POP4: variants seen among roughly 807,000 people sequenced by gnomAD.
POP4 encodes POP4 ribonuclease P/MRP subunit.
Under a neutral mutation model 29.9 loss-of-function variants are expected in POP4, and 31 were observed. That is an observed-to-expected ratio of 1.04 (90% confidence interval 0.78 to 1.40). POP4 has a LOEUF of 1.40. Ranked by LOEUF, POP4 falls within the 40% of genes most tolerant of loss-of-function variation. POP4 has a pLI of 0.00. For synonymous variants in POP4, 110 were observed against 108.2 expected (o/e 1.02, Z -0.10); for missense variants, 286 against 282.7 (o/e 1.01, Z -0.08).
chr19:29,613,491 G>A (rs1286957429), intron 5 of POP4, among the ~76,000 whole-genome samples: 1 of 152,182 alleles, frequency 6.6e-6, no homozygotes, highest in Non-Finnish European at 1.5e-5. Flanking sequence ...CCAGCATCCT[G>A]GGCAGTGCAT....
At chr19:29,615,175 A>G (rs945846578) in intron 6 of POP4, 69 bp from the exon 7 acceptor site, 2 of 1,434,462 alleles carry the variant, frequency 1.4e-6, no homozygotes, top group African/African-American at 2.9e-5. Context: ...TATTCTACCT[A>G]AAAGTAAAAT....
chr19:29,606,962 T>C (rs928341945), intron 1 of POP4, among the ~76,000 whole-genome samples: 5 of 152,172 alleles, frequency 3.3e-5, no homozygotes, highest in African/African-American at 1.2e-4. Flanking sequence ...TCAGTAATTG[T>C]TAGATGTGTA....
At chr19:29,608,087 C>T (rs1225177904) in intron 1 of POP4, among the ~76,000 whole-genome samples, 1 of 152,060 alleles carries the variant, frequency 6.6e-6, no homozygotes, top group African/African-American at 2.4e-5. Context: ...TTTTGAGAAG[C>T]ATTCTTTTTA....
At position 29,616,916 on chromosome 19, in the gene POP4, T is replaced by C. The variant is rs1281190230; in HGVS notation, c.*1536T>C. ...AGGAAGACAGACTTCGAGGGACCTC[T>C]TGCCTAAGGCCTCGCTGACTCAAGG... On this transcript the variant is annotated 3_prime_UTR_variant, in exon 7 of 7. Transcript: ENST00000585603. 1 of 149,536 alleles carries C rather than the reference T, an allele frequency of 6.7e-6. No individual in the cohort carries two copies. Among genetic ancestry groups the C allele is most frequent in the East Asian group, 1.9e-4 (1 of 5,172 alleles). The allele number at this position is 149,536 out of a possible 1,614,324, so 9.3% of individuals were successfully genotyped here. A position where few individuals can be genotyped will look rare whatever the true frequency, so the allele number is the denominator to read the frequency against.
At chr19:29,614,060 T>C in intron 6 of POP4, 88 bp downstream of exon 6, 1 of 1,523,402 alleles carries the variant, frequency 6.6e-7, no homozygotes, top group South Asian at 1.3e-5. Context: ...AAGAGTTTGA[T>C]TTGACCCCTC....
Position 29,616,067 on chromosome 19 carries a change from C to T in POP4, c.*687C>T, listed in dbSNP as rs529830311. 3 of 152,372 alleles carry T rather than the reference C, an allele frequency of 2.0e-5. No individual in the cohort carries two copies. In the South Asian group the frequency reaches 6.2e-4, roughly 32 times the overall value. 9.4% of individuals were successfully genotyped at this position (152,372 alleles called of 1,614,324 possible). A position where few individuals can be genotyped will look rare whatever the true frequency, so the allele number is the denominator to read the frequency against. Reference sequence around the variant, plus strand: ...CCCCAGCGTAGTGAGATGGGACCTGCCGCAGCATGCCCACTCCTGAGCTGC... The same window carrying T: ...CCCCAGCGTAGTGAGATGGGACCTGTCGCAGCATGCCCACTCCTGAGCTGC... On this transcript the variant is annotated 3_prime_UTR_variant, in exon 7 of 7. Transcript: ENST00000585603.
chr19:29,610,185 TGTGTGTGACAAACGGTCATGAATTG>T, intron 2 of POP4, 199 bp from the exon 3 acceptor site: 1 of 557,528 alleles, frequency 1.8e-6, no homozygotes, highest in Non-Finnish European at 3.2e-6. Context: ...GACACGCTGT[TGTGTGTGACAAACGGTCATGAATTG>T]GTGTGTGAGT....
chr19:29,611,760 A>G, intron 3 of POP4, 102 bp from the exon 4 acceptor site: 1 of 920,250 alleles, frequency 1.1e-6, no homozygotes, highest in Non-Finnish European at 1.8e-6. Context: ...TAATGATCCC[A>G]GGTTGCAGTT....
chr19:29,608,848 A>G (rs778953479), intron 2 of POP4, 139 bp downstream of exon 2: 439 of 811,570 alleles, frequency 5.4e-4, no homozygotes, highest in Non-Finnish European at 8.3e-4. Flanking sequence ...CTAAGGCTGG[A>G]TCAAAGTCTG....
At chr19:29,608,629 TG>T in intron 1 of POP4, 27 bp from the exon 2 acceptor site, 1 of 1,608,000 alleles carries the variant, frequency 6.2e-7, no homozygotes, top group Non-Finnish European at 8.5e-7. Context: ...CAACAAGAAT[TG>T]ATCATTTCTT....
At position 29,615,546 on chromosome 19, in the gene POP4, T is replaced by A; in HGVS notation, c.*166T>A. The stretch of plus-strand genomic sequence containing the variant: ...TGAACAACATGGGAAGGTCGCAGCG[T>A]ACTAAGTGAAGAAGTCAGAGGACAG... On this transcript the variant is annotated 3_prime_UTR_variant, in exon 7 of 7. Transcript: ENST00000585603. The A allele has an allele frequency of 1.5e-6, 1 of 653,054 alleles. No homozygotes were observed. 40.5% of individuals were successfully genotyped at this position (653,054 alleles called of 1,614,324 possible).
At chr19:29,609,253 T>A (rs1321288360) in intron 2 of POP4, 1 of 152,598 alleles carries the variant, frequency 6.6e-6, no homozygotes, top group Non-Finnish European at 1.5e-5. Context: ...TGTCCTATTA[T>A]AGTCACAATG....
At chr19:29,614,486 A>C (rs1429276637) in intron 6 of POP4, among the ~76,000 whole-genome samples, 7 of 150,410 alleles carry the variant, frequency 4.7e-5, no homozygotes, top group African/African-American at 1.7e-4. Flanking sequence ...CCATAGTTAG[A>C]AGGTTTTGTT....
chr19:29,611,596 T>A, intron 3 of POP4: 2 of 403,704 alleles, frequency 5.0e-6, no homozygotes, highest in Non-Finnish European at 9.0e-6. Context: ...TCAACAAGAC[T>A]CACGTTTATT....
chr19:29,615,835 A>G lies in POP4; in HGVS notation c.*455A>G, dbSNP rs1568296348. ...GGTTGAAAGGGAAGGGGGGTCCCCA[A>G]AGGTCCATTGGATGGCAGGTGTCTA... On this transcript the variant is annotated 3_prime_UTR_variant, in exon 7 of 7. Coordinates refer to ENST00000585603, the MANE Select transcript of POP4 (RefSeq NM_006627.3). 6.5e-6 allele frequency: 1 copy of G among 153,844 alleles called. No homozygotes were observed. Among genetic ancestry groups the G allele is most frequent in the Non-Finnish European group, 1.4e-5 (1 of 69,108 alleles). The allele number at this position is 153,844 out of a possible 1,614,324, so 9.5% of individuals were successfully genotyped here. A position where few individuals can be genotyped will look rare whatever the true frequency, so the allele number is the denominator to read the frequency against.
chr19:29,614,233 A>T (rs1430002115), intron 6 of POP4, among the ~76,000 whole-genome samples: 1 of 152,144 alleles, frequency 6.6e-6, no homozygotes, highest in South Asian at 2.1e-4. Flanking sequence ...GCCTCAGGGG[A>T]CCTGGGTCTG....
chr19:29,615,210 T>G, intron 6 of POP4, 34 bp from the exon 7 acceptor site: 1 of 1,525,324 alleles, frequency 6.6e-7, no homozygotes, highest in Non-Finnish European at 8.8e-7. Context: ...TTCCTCATCT[T>G]TTTTTCTCCT....
intron 1 of POP4, 125 bp downstream of exon 1, chr19:29,606,450 G>A: frequency 8.7e-7 from 1 of 1,146,352 alleles, no homozygotes; most frequent in Non-Finnish European, 1.2e-6. Flanking sequence ...TACAGGAATG[G>A]GCCCACCCTA....
chr19:29,608,235 T>A (rs1412145100), intron 1 of POP4, among the ~76,000 whole-genome samples: 1 of 150,174 alleles, frequency 6.7e-6, no homozygotes. Flanking sequence ...AGTGTAGAAG[T>A]GTAGTTATTT....
Sources: gnomAD v4.1 joint callset for allele counts (sites outside exome capture counted in the v4.1 genomes callset) on GRCh38, gnomAD v4.1.1 for gene constraint, MANE v1.5 for transcripts, NCBI Gene and HGNC (gene_info 2026-07-23, HGNC 2026-07-21) for gene names.